The following CCDC38 variants were observed in gnomAD, a reference collection of about 807,000 sequenced individuals.
CCDC38 encodes coiled-coil domain-containing protein 38.
CCDC38 carries 69 observed loss-of-function variants against 72.8 expected under a neutral mutation model. The observed-to-expected ratio is 0.95, with a 90% CI of 0.78 to 1.16. CCDC38 has a LOEUF of 1.16. Among genes scored for constraint, CCDC38 ranks in the 50% most tolerant of loss-of-function variants. The pLI, the probability that CCDC38 is intolerant of heterozygous loss-of-function variation, is 0.00. For missense variants in CCDC38, 626 were observed against 638.9 expected, an observed-to-expected ratio of 0.98 and a Z score of 0.22; for synonymous variants, 201 against 213.2, an observed-to-expected ratio of 0.94 and a Z score of 0.50.
At chr12:95,896,075 A>G (rs901530593) in intron 7 of CCDC38, among the ~76,000 whole-genome samples, 2 of 145,708 alleles carry the variant, frequency 1.4e-5, no homozygotes, top group African/African-American at 2.6e-5. Context: ...AAAAAAAAAA[A>G]GAAAGTAGCA....
At chr12:95,936,341 T>C (rs2080393580) in intron 2 of CCDC38, 132 bp downstream of exon 2, 1 of 759,600 alleles carries the variant, frequency 1.3e-6, no homozygotes, top group Non-Finnish European at 2.0e-6. Flanking sequence ...GAATCTTCTC[T>C]GCAGGTAGTT....
intron 4 of CCDC38, among the ~76,000 whole-genome samples, 161 bp downstream of exon 4, chr12:95,916,968 A>G (rs994059416): frequency 1.3e-5 from 2 of 152,166 alleles, no homozygotes; most frequent in African/African-American, 4.8e-5. Flanking sequence ...TTTCTTATTT[A>G]ACATAGAATT....
chr12:95,908,480 A>C (rs1434186135), intron 4 of CCDC38, among the ~76,000 whole-genome samples: 1 of 42 alleles, frequency 0.024, no homozygotes, highest in African/African-American at 0.5. Context: ...AGGGAGAGGG[A>C]GAGGGAGAGG....
At chr12:95,901,156 T>A (rs2079946298) in intron 5 of CCDC38, among the ~76,000 whole-genome samples, 1 of 152,222 alleles carries the variant, frequency 6.6e-6, no homozygotes, top group Non-Finnish European at 1.5e-5. Context: ...AACAGTAGTC[T>A]GATTATGGAT....
intron 4 of CCDC38, among the ~76,000 whole-genome samples, chr12:95,912,282 G>A (rs2080102230): frequency 6.6e-6 from 1 of 152,158 alleles, no homozygotes; most frequent in Admixed American, 6.5e-5. Context: ...CACTATTTTG[G>A]TGATGCAATC....
At position 95,906,402 on chromosome 12, in the gene CCDC38, G is replaced by C; in HGVS notation, c.354C>G (p.Asp118Glu). 1 of 1,612,510 alleles carries C rather than the reference G, an allele frequency of 6.2e-7. No individual in the cohort carries two copies. The highest frequency in any genetic ancestry group is 8.5e-7 in the Non-Finnish European group (1 of 1,178,914). ...TVHEFINDQRDRFLLEYALST... is the reference protein window; with the variant it reads ...TVHEFINDQRERFLLEYALST... ...TTTTTACTACCTCGAGCAGAAACCT[G>C]TCTCTCTGGTCATTAATAAATTCAT... The change falls in exon 5 of 16, where the codon GAC becomes GAG. Residue 118 changes from aspartate to glutamate, a missense_variant. Physicochemically the swap from Asp to Glu is conservative, Grantham distance 45 (BLOSUM62 2). Coordinates refer to ENST00000344280, the MANE Select transcript of CCDC38 (RefSeq NM_182496.3).
chr12:95,891,098 AGTAATATGCAAACATAATATGCAGATG>A (rs1207665743), intron 8 of CCDC38, among the ~76,000 whole-genome samples, 168 bp from the exon 9 acceptor site: 2 of 152,258 alleles, frequency 1.3e-5, no homozygotes, highest in African/African-American at 4.8e-5. Flanking sequence ...ATATGCAGAT[AGTAATATGCAAACATAATATGCAGATG>A]GTAATATGCA....
chr12:95,916,369 T>TCGCC (rs1555231150), intron 4 of CCDC38, among the ~76,000 whole-genome samples: 18 of 137,550 alleles, frequency 1.3e-4, no homozygotes, highest in Admixed American at 3.6e-4. Flanking sequence ...TTTTTTTAAG[T>TCGCC]TGCCTGCCTG....
At position 95,881,503 on chromosome 12, in the gene CCDC38, A is replaced by G. The variant is rs771846095; in HGVS notation, c.972T>C (p.Asp324=). ...SEDSLEFLLD[D]EMDVDLEPAL... is the part of the protein sequence containing the mutation. ...TGGTTACCAAATCAACGTCCATTTC[A>G]TCATCTAAAAGGAATTCCAAACTGT... The change falls in exon 11 of 16, where the codon GAT becomes GAC. Residue 324 remains aspartate, a synonymous_variant. Coordinates refer to ENST00000344280, the MANE Select transcript of CCDC38 (RefSeq NM_182496.3). 1.9e-6 allele frequency: 3 copies of G among 1,609,380 alleles called. No homozygotes were observed. The highest frequency in any genetic ancestry group is 2.5e-6 in the Non-Finnish European group (3 of 1,177,742).
chr12:95,906,569 T>A (rs1592782082), intron 4 of CCDC38, 118 bp from the exon 5 acceptor site: 1 of 665,930 alleles, frequency 1.5e-6, no homozygotes, highest in Non-Finnish European at 2.5e-6. Flanking sequence ...TTAAAAATAC[T>A]ATATCTTGAA....
At chr12:95,916,151 A>G (rs939532926) in intron 4 of CCDC38, among the ~76,000 whole-genome samples, 2 of 152,220 alleles carry the variant, frequency 1.3e-5, no homozygotes, top group African/African-American at 4.8e-5. Context: ...CTTGTGGTAC[A>G]GTCCCTGGCA....
intron 13 of CCDC38, among the ~76,000 whole-genome samples, chr12:95,874,821 G>A (rs548943358): frequency 8.5e-5 from 13 of 152,324 alleles, no homozygotes; most frequent in Middle Eastern, 3.4e-3. Flanking sequence ...ATCAAAACGG[G>A]AGAGGGGAAA....
intron 5 of CCDC38, among the ~76,000 whole-genome samples, chr12:95,899,364 C>T (rs2079927111): frequency 1.3e-5 from 2 of 152,312 alleles, no homozygotes; most frequent in South Asian, 4.1e-4. Flanking sequence ...GTGGGGTGAT[C>T]TTGGCTCACT....
intron 13 of CCDC38, among the ~76,000 whole-genome samples, chr12:95,873,216 T>C (rs2079600523): frequency 6.6e-6 from 1 of 152,214 alleles, no homozygotes; most frequent in African/African-American, 2.4e-5. Flanking sequence ...TATGTAATAG[T>C]TCTCTGCCTT....
intron 5 of CCDC38, chr12:95,903,348 A>G (rs1256965752): frequency 1.5e-6 from 1 of 679,696 alleles, no homozygotes; most frequent in African/African-American, 1.8e-5. Context: ...GACAGCTTTA[A>G]TTCTTCATTT....
intron 2 of CCDC38, among the ~76,000 whole-genome samples, chr12:95,920,856 G>A (rs113696686): frequency 0.011 from 1,720 of 152,004 alleles, 15 homozygotes; most frequent in Non-Finnish European, 0.018. Flanking sequence ...AGGGCCGGGC[G>A]CAGTGGTCAC....
chr12:95,929,716 C>A (rs1486211756), intron 2 of CCDC38, among the ~76,000 whole-genome samples: 15 of 152,194 alleles, frequency 9.9e-5, no homozygotes, highest in Non-Finnish European at 8.8e-5. Flanking sequence ...AACTAAATTT[C>A]TGAACACCAA....
chr12:95,893,570 C>G (rs1341286801), intron 8 of CCDC38, among the ~76,000 whole-genome samples: 7 of 151,860 alleles, frequency 4.6e-5, no homozygotes, highest in Non-Finnish European at 8.8e-5. Flanking sequence ...ACTACAACCT[C>G]AACTTCCGGG....
At chr12:95,934,378 C>A (rs2080368752) in intron 2 of CCDC38, 1 of 151,998 alleles carries the variant, frequency 6.6e-6, no homozygotes, top group Admixed American at 6.6e-5. Context: ...TAAAAGAAGG[C>A]TATGGGTCTT....
Sources: gnomAD v4.1 joint callset for allele counts (sites outside exome capture counted in the v4.1 genomes callset) on GRCh38, gnomAD v4.1.1 for gene constraint, MANE v1.5 for transcripts, NCBI Gene and HGNC (gene_info 2026-07-23, HGNC 2026-07-21) for gene names.